Variants in C2CD3 observed in about 807,000 individuals in gnomAD.
C2CD3 encodes the protein C2 domain containing 3 centriole elongation regulator, also known as C2 domain-containing protein 3.
A neutral mutation model predicts 234.0 loss-of-function variants in C2CD3; 148 were observed. The observed-to-expected ratio is 0.63, with a 90% CI of 0.55 to 0.72. The LOEUF (loss-of-function observed/expected upper bound fraction) is 0.72, where lower values mean the gene tolerates loss of function less well. C2CD3 is among the 30% of genes least tolerant of loss of function. The probability of loss-of-function intolerance (pLI) is 0.00; values close to 1 mark genes in which losing one functional copy is unlikely to be tolerated. For missense variants in C2CD3, 2,577 were observed against 2,811.5 expected, an observed-to-expected ratio of 0.92 and a Z score of 1.89; for synonymous variants, 1,000 against 1,035.4, an observed-to-expected ratio of 0.97 and a Z score of 0.66.
chr11:74,081,163 C>A (rs1955339357), intron 22 of C2CD3, among the ~76,000 whole-genome samples: 1 of 152,050 alleles, frequency 6.6e-6, no homozygotes, highest in South Asian at 2.1e-4. Context: ...CTTTATATAA[C>A]CAATTTAATG....
At chr11:74,109,270 C>T (rs1047092501) in intron 11 of C2CD3, 118 bp from the exon 12 acceptor site, 1 of 613,670 alleles carries the variant, frequency 1.6e-6, no homozygotes, top group Non-Finnish European at 2.9e-6. Context: ...CTGCAGAAAT[C>T]GAGTCAGTGT....
At chr11:74,103,682 A>G in intron 13 of C2CD3, 57 bp from the exon 14 acceptor site, 1 of 1,442,922 alleles carries the variant, frequency 6.9e-7, no homozygotes, top group Non-Finnish European at 9.4e-7. Context: ...TTGGAATTAG[A>G]ATTTTGAGGC....
At chr11:74,077,317 G>A (rs1955078573) in intron 23 of C2CD3, among the ~76,000 whole-genome samples, 1 of 152,050 alleles carries the variant, frequency 6.6e-6, no homozygotes, top group Non-Finnish European at 1.5e-5. Context: ...TATGTTAAAT[G>A]CAAAAATCCG....
At chr11:74,096,401 A>G (rs772850957) in intron 16 of C2CD3, among the ~76,000 whole-genome samples, 2 of 152,202 alleles carry the variant, frequency 1.3e-5, no homozygotes, top group Non-Finnish European at 2.9e-5. Context: ...GAAATCTGAA[A>G]GCATATTTTA....
intron 32 of C2CD3, among the ~76,000 whole-genome samples, chr11:74,023,229 C>T (rs112547666): frequency 0.012 from 1,784 of 152,316 alleles, 27 homozygotes; most frequent in Middle Eastern, 0.034. Context: ...CCAGCAATTA[C>T]GAGCCCTCTC....
At chr11:74,132,628 C>T (rs1199716162) in intron 7 of C2CD3, among the ~76,000 whole-genome samples, 3 of 151,934 alleles carry the variant, frequency 2.0e-5, no homozygotes, top group Non-Finnish European at 4.4e-5. Flanking sequence ...GAGATAAGAA[C>T]GGTAAGGTAG....
intron 32 of C2CD3, among the ~76,000 whole-genome samples, chr11:74,017,877 C>G (rs1951935360): frequency 6.6e-6 from 1 of 152,220 alleles, no homozygotes; most frequent in Admixed American, 6.5e-5. Context: ...TTCACTCCAG[C>G]CCCCAGATGG....
chr11:74,087,528 C>T (rs1206400737), intron 20 of C2CD3, among the ~76,000 whole-genome samples: 1 of 151,172 alleles, frequency 6.6e-6, no homozygotes, highest in Non-Finnish European at 1.5e-5. Context: ...CGCACCAGTG[C>T]ACTCTAGCCA....
intron 27 of C2CD3, 58 bp downstream of exon 27, chr11:74,049,279 A>T: frequency 1.4e-6 from 2 of 1,398,478 alleles, no homozygotes; most frequent in Non-Finnish European, 2.0e-6. Context: ...TGAGTAAAGG[A>T]TGTTCTTATA....
At chr11:74,136,596 A>G (rs540006881) in intron 5 of C2CD3, among the ~76,000 whole-genome samples, 24 of 152,328 alleles carry the variant, frequency 1.6e-4, no homozygotes, top group African/African-American at 5.8e-4. Context: ...TGCCTACCTC[A>G]CGTGACTTTT....
rs910736882 is a variant in C2CD3 at position 74,166,331 on chromosome 11, A to C, written c.325+2013T>G. ...GACTCCGTCTTAAAAAAAAAAAAAAAAAAACCATGTCATGTCTACAGTTGG... is the reference window on the plus strand; with the variant it reads ...GACTCCGTCTTAAAAAAAAAAAAAACAAAACCATGTCATGTCTACAGTTGG... On this transcript the variant is annotated intron_variant, in intron 2 of 32. Transcript: ENST00000334126. Among the ~76,000 whole-genome samples the C allele has an allele frequency of 2.3e-4, 35 of 150,776 alleles. 1 individual carries two copies. The highest frequency in any genetic ancestry group is 3.7e-4 in the Non-Finnish European group (25 of 67,954).
chr11:74,130,226 C>CTTTTT, intron 7 of C2CD3, among the ~76,000 whole-genome samples: 1 of 128,962 alleles, frequency 7.8e-6, no homozygotes, highest in East Asian at 2.2e-4. Context: ...AAGGGTCCAA[C>CTTTTT]TTTTTTTTTT....
At chr11:74,154,049 A>G (rs1855852573) in intron 3 of C2CD3, among the ~76,000 whole-genome samples, 1 of 152,152 alleles carries the variant, frequency 6.6e-6, no homozygotes, top group Non-Finnish European at 1.5e-5. Context: ...TTCACACTAC[A>G]GTATACCCCA....
Position 74,013,042 on chromosome 11 carries a change from G to T in C2CD3, c.*343C>A, listed in dbSNP as rs1412744277. The T allele has an allele frequency of 6.0e-6, 1 of 166,572 alleles. No individual in the cohort carries two copies. The highest frequency in any genetic ancestry group is 1.6e-4 in the East Asian group (1 of 6,196). 10.3% of individuals were successfully genotyped at this position (166,572 alleles called of 1,614,324 possible). On this transcript the variant is annotated 3_prime_UTR_variant, in exon 33 of 33. Coordinates refer to ENST00000334126, the MANE Select transcript of C2CD3 (RefSeq NM_001286577.2). ...GGTCCTGCATCTTCAGGCAGAGGGTGGGCTCATGCCAGCAGTCAGCTGTGT... is the reference window on the plus strand; with the variant it reads ...GGTCCTGCATCTTCAGGCAGAGGGTTGGCTCATGCCAGCAGTCAGCTGTGT...
At chr11:74,069,424 T>C (rs1037204486) in intron 24 of C2CD3, among the ~76,000 whole-genome samples, 1 of 152,244 alleles carries the variant, frequency 6.6e-6, no homozygotes, top group Non-Finnish European at 1.5e-5. Flanking sequence ...GAACCAGTTA[T>C]GCCATTTAAG....
intron 24 of C2CD3, among the ~76,000 whole-genome samples, chr11:74,058,085 G>C (rs1954042231): frequency 6.6e-6 from 1 of 152,160 alleles, no homozygotes; most frequent in Admixed American, 6.5e-5. Flanking sequence ...TACTTTGTGG[G>C]AAGATGGAAA....
At chr11:74,157,729 T>A (rs920547867) in intron 3 of C2CD3, among the ~76,000 whole-genome samples, 3 of 152,188 alleles carry the variant, frequency 2.0e-5, no homozygotes, top group Non-Finnish European at 4.4e-5. Context: ...CTCCTGGAAT[T>A]TCTAAGGGGT....
At chr11:74,145,145 C>G (rs570585045) in intron 3 of C2CD3, among the ~76,000 whole-genome samples, 2 of 152,320 alleles carry the variant, frequency 1.3e-5, no homozygotes, top group South Asian at 4.1e-4. Context: ...AATCGCCACA[C>G]TGCTTTCCAG....
chr11:74,153,639 C>T (rs1445213278), intron 3 of C2CD3, among the ~76,000 whole-genome samples: 3 of 152,084 alleles, frequency 2.0e-5, no homozygotes, highest in African/African-American at 7.2e-5. Flanking sequence ...GTATATTGTA[C>T]AGTATCAACA....
Sources: gnomAD v4.1 joint callset for allele counts (sites outside exome capture counted in the v4.1 genomes callset) on GRCh38, gnomAD v4.1.1 for gene constraint, MANE v1.5 for transcripts, NCBI Gene and HGNC (gene_info 2026-07-23, HGNC 2026-07-21) for gene names.